The following OLA1 variants were observed in gnomAD, a reference collection of about 807,000 sequenced individuals.
The protein encoded by OLA1 is Obg like ATPase 1, also known as obg-like ATPase 1.
In OLA1, 14 loss-of-function variants were observed where a neutral mutation model predicts 48.4. The ratio of observed to expected loss-of-function variants is 0.29; its 90% CI spans 0.19 to 0.45. The LOEUF is 0.45. OLA1 is among the 20% of genes least tolerant of loss of function. The pLI is 1.00. For synonymous variants in OLA1, 127 were observed against 150.4 expected (o/e 0.84, Z 1.14); for missense variants, 325 against 467.1 (o/e 0.70, Z 2.80).
rs905999388 is a variant in OLA1 at position 174,146,516 on chromosome 2, A to C, written c.374-4516T>G. Among the ~76,000 whole-genome samples the C allele has an allele frequency of 1.3e-4, 20 of 152,214 alleles. 1 individual carries two copies. Among genetic ancestry groups the C allele is most frequent in the African/African-American group, 4.8e-4 (20 of 41,460 alleles). ...GATGTAGGATGTAAGATCATGAATG[A>C]AGATATAAAATTGACAGTTATCAAA... is the stretch of plus-strand genomic sequence containing the variant. On this transcript the variant is annotated intron_variant, in intron 4 of 10. Transcript: ENST00000284719.
chr2:174,130,787 G>A (rs1686162711), intron 5 of OLA1, among the ~76,000 whole-genome samples: 1 of 152,098 alleles, frequency 6.6e-6, no homozygotes, highest in African/African-American at 2.4e-5. Context: ...AAACCTCAAT[G>A]AATTATTTGT....
Position 174,113,505 on chromosome 2 carries a change from G to A in OLA1, c.728+9675C>T, listed in dbSNP as rs186946882. ...AAGGTGGGTCCTAAAATATATTGCTGTTGCCTCTTAACAATGTTATTAAAT... is the reference window on the plus strand; with the variant it reads ...AAGGTGGGTCCTAAAATATATTGCTATTGCCTCTTAACAATGTTATTAAAT... On this transcript the variant is annotated intron_variant, in intron 7 of 10. Coordinates refer to ENST00000284719, the MANE Select transcript of OLA1 (RefSeq NM_013341.5). Among the ~76,000 whole-genome samples, 212 of 152,142 alleles carry A rather than the reference G, an allele frequency of 1.4e-3. 2 individuals carry two copies. The highest frequency in any genetic ancestry group is 0.01 in the Middle Eastern group (3 of 294).
chr2:174,229,211 C>T (rs1375838572), intron 3 of OLA1, 97 bp downstream of exon 3: 14 of 1,244,656 alleles, frequency 1.1e-5, no homozygotes, highest in Middle Eastern at 2.7e-4. Context: ...AACAATAATG[C>T]TACATTAATT....
intron 7 of OLA1, among the ~76,000 whole-genome samples, chr2:174,118,065 C>G (rs1472789050): frequency 6.6e-6 from 1 of 152,030 alleles, no homozygotes; most frequent in Non-Finnish European, 1.5e-5. Flanking sequence ...GCAGGCACAG[C>G]CGGAGAAGGA....
intron 7 of OLA1, among the ~76,000 whole-genome samples, chr2:174,090,390 T>G (rs1297713890): frequency 6.6e-6 from 1 of 152,150 alleles, no homozygotes; most frequent in African/African-American, 2.4e-5. Context: ...TTCTTTACAA[T>G]GAATGAATAA....
chr2:174,155,723 A>G (rs1278173714), intron 4 of OLA1, among the ~76,000 whole-genome samples: 1 of 152,216 alleles, frequency 6.6e-6, no homozygotes, highest in Non-Finnish European at 1.5e-5. Context: ...ACTAAGACCA[A>G]TGAATGTAGC....
chr2:174,126,532 T>G (rs1283074432), intron 5 of OLA1, among the ~76,000 whole-genome samples: 2 of 152,212 alleles, frequency 1.3e-5, no homozygotes, highest in Non-Finnish European at 2.9e-5. Context: ...ACTTTTCGGT[T>G]AGACTGCAGT....
At chr2:174,163,648 C>T (rs1272414047) in intron 4 of OLA1, among the ~76,000 whole-genome samples, 4 of 146,208 alleles carry the variant, frequency 2.7e-5, no homozygotes, top group African/African-American at 7.6e-5. Context: ...TGAGATCGCG[C>T]CATTGCACTC....
In OLA1 at chr2:174,144,981, T is replaced by TAA. The variant is rs1553483478; in HGVS notation, c.374-2983_374-2982dup. 2.0e-3 allele frequency among the ~76,000 whole-genome samples: 217 copies of TAA among 108,044 alleles called. 3 individuals carry two copies. The highest frequency in any genetic ancestry group is 7.6e-3 in the African/African-American group (205 of 27,142). 70.9% of individuals were successfully genotyped at this position (108,044 alleles called of 152,430 possible). A position where few individuals can be genotyped will look rare whatever the true frequency, so the allele number is the denominator to read the frequency against. ...ATATATATATATATATATATATATA[T>TAA]AATCACGGAATATATATATTCCGTG... On this transcript the variant is annotated intron_variant, in intron 4 of 10. Coordinates refer to ENST00000284719, the MANE Select transcript of OLA1 (RefSeq NM_013341.5).
intron 5 of OLA1, among the ~76,000 whole-genome samples, chr2:174,133,795 T>C (rs764090572): frequency 1.5e-4 from 23 of 152,174 alleles, no homozygotes; most frequent in Non-Finnish European, 3.1e-4. Flanking sequence ...AAAAATTACA[T>C]AAAATTAGCC....
At chr2:174,100,028 G>A (rs978535827) in intron 7 of OLA1, among the ~76,000 whole-genome samples, 25 of 152,194 alleles carry the variant, frequency 1.6e-4, no homozygotes, top group African/African-American at 6.0e-4. Context: ...CTGGGGTTAA[G>A]ACAAATGTAT....
intron 5 of OLA1, among the ~76,000 whole-genome samples, chr2:174,131,563 T>A (rs1686181749): frequency 6.6e-6 from 1 of 152,126 alleles, no homozygotes; most frequent in Non-Finnish European, 1.5e-5. Context: ...ATGTACTAAT[T>A]TATACTCCCA....
intron 4 of OLA1, among the ~76,000 whole-genome samples, chr2:174,204,197 C>T (rs1318225335): frequency 2.6e-5 from 4 of 151,812 alleles, no homozygotes; most frequent in Non-Finnish European, 5.9e-5. Context: ...ATCAGGAGAT[C>T]GAGACCATCC....
chr2:174,190,098 GA>G (rs113435425), intron 4 of OLA1, among the ~76,000 whole-genome samples: 21,428 of 151,790 alleles, frequency 0.14, 1,918 homozygotes, highest in Middle Eastern at 0.24. Context: ...TAAGAAAGAG[GA>G]AAAAAATATT....
In OLA1 at chr2:174,079,059, T is replaced by C. The variant is rs1488900322; in HGVS notation, c.998A>G (p.Lys333Arg). 1.9e-6 allele frequency: 3 copies of C among 1,603,816 alleles called. No individual in the cohort carries two copies. Among genetic ancestry groups the C allele is most frequent in the South Asian group, 2.2e-5 (2 of 89,838 alleles). ...TCCCTTTTCAAAATCTGTGTGAATC[T>C]TTCCTGCAGCCTGAGGAGCCTTAGT... ...KGTKAPQAAG[K>R]IHTDFEKGFI... The change falls in exon 10 of 11, where the codon AAG (lysine) becomes AGG (arginine). Residue 333 changes from lysine (K) to arginine (R), a missense_variant. Transcript: ENST00000284719.
At chr2:174,128,261 G>A (rs75706204) in intron 5 of OLA1, among the ~76,000 whole-genome samples, 17,375 of 151,470 alleles carry the variant, frequency 0.11, 2,297 homozygotes, top group East Asian at 0.72. Context: ...TTAACTGGGC[G>A]TGGTGGTGTG....
intron 4 of OLA1, among the ~76,000 whole-genome samples, chr2:174,219,636 C>T (rs1688453657): frequency 6.6e-6 from 1 of 151,892 alleles, no homozygotes; most frequent in Non-Finnish European, 1.5e-5. Context: ...AACCATGTTG[C>T]CCAGACTGGT....
At chr2:174,138,773 T>G (rs145661203) in intron 5 of OLA1, among the ~76,000 whole-genome samples, 96 of 152,360 alleles carry the variant, frequency 6.3e-4, no homozygotes, top group Middle Eastern at 3.4e-3. Flanking sequence ...TCAAAAGTTA[T>G]GTTAATACCA....
At chr2:174,185,878 G>A (rs914747091) in intron 4 of OLA1, among the ~76,000 whole-genome samples, 2 of 152,120 alleles carry the variant, frequency 1.3e-5, no homozygotes, top group Non-Finnish European at 2.9e-5. Flanking sequence ...AGTGAACCAA[G>A]ATCATGCCAT....
Sources: gnomAD v4.1 joint callset for allele counts (sites outside exome capture counted in the v4.1 genomes callset) on GRCh38, gnomAD v4.1.1 for gene constraint, MANE v1.5 for transcripts, NCBI Gene and HGNC (gene_info 2026-07-23, HGNC 2026-07-21) for gene names.